Variants in IGF2BP2 observed in about 807,000 individuals in gnomAD.
IGF2BP2 encodes the protein insulin like growth factor 2 mRNA binding protein 2, also known as insulin-like growth factor 2 mRNA-binding protein 2.
Under a neutral mutation model 75.8 loss-of-function variants are expected in IGF2BP2, and 17 were observed. That is an observed-to-expected ratio of 0.22 (90% confidence interval 0.15 to 0.34). The LOEUF (loss-of-function observed/expected upper bound fraction) is 0.34, where lower values mean the gene tolerates loss of function less well. Ranked by LOEUF, IGF2BP2 falls within the 10% of genes least tolerant of loss-of-function variation. The pLI is 1.00. For synonymous variants in IGF2BP2, 288 were observed against 295.6 expected (o/e 0.97, Z 0.26); for missense variants, 516 against 772.4 (o/e 0.67, Z 3.93).
intron 10 of IGF2BP2, among the ~76,000 whole-genome samples, chr3:185,662,781 G>A (rs1182495729): frequency 6.6e-6 from 1 of 152,036 alleles, no homozygotes; most frequent in East Asian, 1.9e-4. Context: ...GACCTCAGGT[G>A]ATCCTCCCAC....
At chr3:185,688,124 G>A (rs918393393) in intron 6 of IGF2BP2, among the ~76,000 whole-genome samples, 2 of 151,918 alleles carry the variant, frequency 1.3e-5, no homozygotes, top group Non-Finnish European at 2.9e-5. Context: ...TATTATTTGG[G>A]GATAAATAAG....
intron 2 of IGF2BP2, among the ~76,000 whole-genome samples, chr3:185,797,342 G>C (rs771840027): frequency 1.3e-5 from 2 of 152,128 alleles, no homozygotes; most frequent in South Asian, 2.1e-4. Context: ...CAGCTAGGCT[G>C]GACCAGGTCT....
At chr3:185,663,565 C>T (rs1018152260) in intron 10 of IGF2BP2, among the ~76,000 whole-genome samples, 4 of 151,730 alleles carry the variant, frequency 2.6e-5, no homozygotes, top group African/African-American at 7.3e-5. Context: ...GTTCAAGCTG[C>T]GATGTGTGAC....
At chr3:185,656,611 C>T (rs1273664504) in intron 12 of IGF2BP2, among the ~76,000 whole-genome samples, 2 of 152,222 alleles carry the variant, frequency 1.3e-5, no homozygotes, top group Middle Eastern at 3.2e-3. Context: ...GGGACGTGCT[C>T]AGCATTCTGC....
chr3:185,762,278 A>G (rs1212026824), intron 2 of IGF2BP2, among the ~76,000 whole-genome samples: 1 of 151,326 alleles, frequency 6.6e-6, no homozygotes, highest in African/African-American at 2.4e-5. Context: ...CTGTAATCCT[A>G]GCACTTCCGG....
At chr3:185,816,826 C>T (rs1740675757) in intron 2 of IGF2BP2, among the ~76,000 whole-genome samples, 1 of 152,170 alleles carries the variant, frequency 6.6e-6, no homozygotes, top group African/African-American at 2.4e-5. Context: ...TGAGATAATA[C>T]TACTACCATT....
intron 2 of IGF2BP2, among the ~76,000 whole-genome samples, chr3:185,786,215 TTTCACTCCCCCCAAGAATCAATG>T (rs879719979): frequency 7.9e-5 from 12 of 152,000 alleles, no homozygotes; most frequent in Non-Finnish European, 1.6e-4. Context: ...ACAGCTAAGA[TTTCACTCCCCCCAAGAATCAATG>T]TTCACTCCCC....
chr3:185,824,572 G>A (rs1285919116), intron 1 of IGF2BP2, among the ~76,000 whole-genome samples: 1 of 150,240 alleles, frequency 6.7e-6, no homozygotes, highest in African/African-American at 2.4e-5. Context: ...CGGCCCCGAG[G>A]GCGAGGGCAG....
chr3:185,782,127 C>T (rs1284266518), intron 2 of IGF2BP2, among the ~76,000 whole-genome samples: 1 of 152,140 alleles, frequency 6.6e-6, no homozygotes, highest in Non-Finnish European at 1.5e-5. Context: ...AAGACAACTC[C>T]TTCCTTCTTC....
At chr3:185,809,006 T>A (rs1311727976) in intron 2 of IGF2BP2, among the ~76,000 whole-genome samples, 1 of 152,226 alleles carries the variant, frequency 6.6e-6, no homozygotes, top group African/African-American at 2.4e-5. Flanking sequence ...TTAGATGCTG[T>A]CTGCTTAATT....
chr3:185,702,969 G>A (rs563866376), intron 2 of IGF2BP2, among the ~76,000 whole-genome samples: 1 of 152,304 alleles, frequency 6.6e-6, no homozygotes, highest in East Asian at 1.9e-4. Context: ...TTTCCCTGTG[G>A]CTTTCGGATT....
intron 2 of IGF2BP2, among the ~76,000 whole-genome samples, chr3:185,753,688 A>G (rs1731235622): frequency 6.6e-6 from 1 of 152,158 alleles, no homozygotes; most frequent in South Asian, 2.1e-4. Flanking sequence ...TAATAAAACA[A>G]TAGCAGCATC....
chr3:185,670,528 T>C (rs937260465), intron 10 of IGF2BP2, among the ~76,000 whole-genome samples: 2 of 152,194 alleles, frequency 1.3e-5, no homozygotes, highest in Non-Finnish European at 2.9e-5. Flanking sequence ...GCCCTCAGGT[T>C]GTAGCATGCT....
At chr3:185,724,894 T>C (rs565909225) in intron 2 of IGF2BP2, 2 of 152,198 alleles carry the variant, frequency 1.3e-5, no homozygotes, top group Non-Finnish European at 2.9e-5. Flanking sequence ...GTGACAGTGA[T>C]AGTTTGTGAC....
At position 185,798,792 on chromosome 3, in the gene IGF2BP2, T is replaced by C. The variant is rs76652217; in HGVS notation, c.239+24361A>G. Among the ~76,000 whole-genome samples, 515 of 128,360 alleles carry C rather than the reference T, an allele frequency of 4.0e-3. 2 individuals are homozygous for C. Among genetic ancestry groups the C allele is most frequent in the African/African-American group, 0.016 (486 of 29,762 alleles). The allele number at this position is 128,360 out of a possible 152,430, so 84.2% of individuals were successfully genotyped here. A position where few individuals can be genotyped will look rare whatever the true frequency, so the allele number is the denominator to read the frequency against. The stretch of plus-strand genomic sequence containing the variant: ...TAACTAAGTTTTTCTTTTTTCTTTT[T>C]TTCTTTTTTTTTTTTGAGACAGAAT... On this transcript the variant is annotated intron_variant, in intron 2 of 15. Transcript: ENST00000382199.
chr3:185,804,129 T>A (rs1344378122), intron 2 of IGF2BP2, among the ~76,000 whole-genome samples: 1 of 151,982 alleles, frequency 6.6e-6, no homozygotes, highest in African/African-American at 2.4e-5. Flanking sequence ...TGGTGGCATG[T>A]GCCTGTAATC....
At chr3:185,776,536 G>A (rs1734558309) in intron 2 of IGF2BP2, among the ~76,000 whole-genome samples, 1 of 152,304 alleles carries the variant, frequency 6.6e-6, no homozygotes, top group South Asian at 2.1e-4. Context: ...TTTTGAACGT[G>A]TTGAGTTGAG....
At position 185,726,491 on chromosome 3, in the gene IGF2BP2, A is replaced by AG. The variant is rs543750063; in HGVS notation, c.240-28145dup. On this transcript the variant is annotated intron_variant, in intron 2 of 15. Coordinates refer to ENST00000382199, the MANE Select transcript of IGF2BP2 (RefSeq NM_006548.6). ...ATTCCTAAAGGTATAAAGTGGGCACAGGAACACCTGCCACTTATCTACCTC... is the reference window on the plus strand; with the variant it reads ...ATTCCTAAAGGTATAAAGTGGGCACAGGGAACACCTGCCACTTATCTACCTC... Among the ~76,000 whole-genome samples the AG allele has an allele frequency of 1.1e-4, 16 of 152,362 alleles. No individual in the cohort carries two copies. In the East Asian group the frequency reaches 2.3e-3, roughly 22 times the overall value.
chr3:185,752,788 G>A (rs752941000), intron 2 of IGF2BP2, among the ~76,000 whole-genome samples: 6 of 152,008 alleles, frequency 3.9e-5, no homozygotes, highest in Non-Finnish European at 8.8e-5. Flanking sequence ...GTAGAGACAG[G>A]GTTTCACCAT....
Sources: gnomAD v4.1 joint callset for allele counts (sites outside exome capture counted in the v4.1 genomes callset) on GRCh38, gnomAD v4.1.1 for gene constraint, MANE v1.5 for transcripts, NCBI Gene and HGNC (gene_info 2026-07-23, HGNC 2026-07-21) for gene names.